DNAH8: variants seen among roughly 807,000 people sequenced by gnomAD.
DNAH8 encodes dynein axonemal heavy chain 8, also known as axonemal beta dynein heavy chain 8.
A neutral mutation model predicts 562.1 loss-of-function variants in DNAH8; 382 were observed. The observed-to-expected ratio is 0.68, with a 90% confidence interval of 0.63 to 0.74. The LOEUF is 0.74. DNAH8 is among the 30% of genes least tolerant of loss of function. The pLI, the probability that DNAH8 is intolerant of heterozygous loss-of-function variation, is 0.00. For synonymous variants in DNAH8, 1,881 were observed against 1,919.4 expected (o/e 0.98, Z 0.52); for missense variants, 5,203 against 5,620.4 (o/e 0.93, Z 2.37).
intron 30 of DNAH8, among the ~76,000 whole-genome samples, chr6:38,830,917 A>G (rs1417237988): frequency 6.6e-6 from 1 of 152,174 alleles, no homozygotes; most frequent in Non-Finnish European, 1.5e-5. Context: ...TTTAGGAAGG[A>G]TAATTTTTTT....
chr6:39,012,430 T>C lies in DNAH8; in HGVS notation c.13525-18T>C. The C allele has an allele frequency of 6.2e-7, 1 of 1,610,334 alleles. No homozygotes were observed. Among genetic ancestry groups the C allele is most frequent in the East Asian group, 2.2e-5 (1 of 44,814 alleles). On this transcript the variant is annotated intron_variant, in intron 90 of 92. Coordinates refer to ENST00000327475, the MANE Select transcript of DNAH8 (RefSeq NM_001206927.2). ...GTTGATGTTTCTTATTCATGTGTTT[T>C]AACTTTTTCTTCTCCAGAATCTGAG...
intron 11 of DNAH8, 25 bp downstream of exon 11, chr6:38,761,828 A>T (rs1253566068): frequency 7.3e-7 from 1 of 1,376,990 alleles, no homozygotes; most frequent in South Asian, 1.3e-5. Context: ...TTTTATTTTC[A>T]TAAACTAAAT....
chr6:38,954,810 C>G (rs1762141262), intron 82 of DNAH8, among the ~76,000 whole-genome samples: 1 of 151,626 alleles, frequency 6.6e-6, no homozygotes, highest in African/African-American at 2.4e-5. Context: ...GGTAGAAAAC[C>G]CTGAATAAAC....
intron 74 of DNAH8, among the ~76,000 whole-genome samples, chr6:38,927,551 G>A (rs557767903): frequency 5.3e-5 from 8 of 152,126 alleles, no homozygotes; most frequent in Non-Finnish European, 1.0e-4. Context: ...ATTTTCAGGG[G>A]TGCACAAATG....
intron 36 of DNAH8, 71 bp downstream of exon 36, chr6:38,845,844 GT>G (rs957704538): frequency 3.1e-6 from 4 of 1,298,994 alleles, no homozygotes; most frequent in Non-Finnish European, 4.4e-6. Flanking sequence ...TAAAAGCTCA[GT>G]TTTAAAGCTC....
At chr6:38,798,135 C>G (rs891516914) in intron 21 of DNAH8, among the ~76,000 whole-genome samples, 1 of 151,572 alleles carries the variant, frequency 6.6e-6, no homozygotes, top group Non-Finnish European at 1.5e-5. Context: ...GTTGCCAGAG[C>G]TGTGGAGATG....
chr6:38,943,458 A>G (rs976621790), intron 79 of DNAH8, among the ~76,000 whole-genome samples: 1 of 151,478 alleles, frequency 6.6e-6, no homozygotes, highest in African/African-American at 2.4e-5. Flanking sequence ...CCTAGCAGAA[A>G]TGTTTGATTT....
rs757501326 is a variant in DNAH8 at position 38,860,615 on chromosome 6, T to A, written c.6117T>A (p.Thr2039=). The change falls in exon 43 of 93, where the codon ACT becomes ACA. Residue 2039 remains threonine (T), a synonymous_variant. Coordinates refer to ENST00000327475, the MANE Select transcript of DNAH8 (RefSeq NM_001206927.2). ...FLGCTDRLVI[T]PLTDRCYITL... is the part of the protein sequence containing the mutation. ...GATGTACTGATCGTCTTGTTATCACTCCATTAACAGATAGGTAGGAAACCC... is the reference window on the plus strand; with the variant it reads ...GATGTACTGATCGTCTTGTTATCACACCATTAACAGATAGGTAGGAAACCC... 6.5e-7 allele frequency: 1 copy of A among 1,532,478 alleles called. No homozygotes were observed. The highest frequency in any genetic ancestry group is 8.7e-7 in the Non-Finnish European group (1 of 1,150,840). 94.9% of individuals were successfully genotyped at this position (1,532,478 alleles called of 1,614,324 possible).
chr6:38,852,560 G>A (rs1775839574), intron 39 of DNAH8, 134 bp from the exon 40 acceptor site: 1 of 616,980 alleles, frequency 1.6e-6, no homozygotes. Context: ...TCAAAGCAGA[G>A]TCTCTCTCTA....
intron 1 of DNAH8, among the ~76,000 whole-genome samples, chr6:38,715,950 A>ATTTTT (rs70981580): frequency 8.6e-4 from 27 of 31,230 alleles, no homozygotes; most frequent in African/African-American, 4.7e-3. Flanking sequence ...ATATATATAT[A>ATTTTT]TATATATATA....
intron 52 of DNAH8, among the ~76,000 whole-genome samples, chr6:38,874,742 G>T (rs1777857074): frequency 6.6e-6 from 1 of 152,096 alleles, no homozygotes; most frequent in African/African-American, 2.4e-5. Context: ...AGATCTTCAA[G>T]GGCTCTCCTA....
chr6:38,715,909 AATAAATAAATAAATAAAT>A (rs1376172743), intron 1 of DNAH8, among the ~76,000 whole-genome samples: 2 of 48,416 alleles, frequency 4.1e-5, no homozygotes, highest in African/African-American at 2.7e-4. Context: ...TATTAAAATA[AATAAATAAATAAATAAAT>A]ATATATATAT....
intron 85 of DNAH8, among the ~76,000 whole-genome samples, chr6:38,978,886 A>C (rs905186361): frequency 3.9e-5 from 6 of 152,268 alleles, no homozygotes; most frequent in African/African-American, 1.4e-4. Flanking sequence ...AATCAAATTA[A>C]GTAGGGAGTG....
At chr6:38,914,827 A>G (rs548689836) in intron 67 of DNAH8, among the ~76,000 whole-genome samples, 2 of 152,334 alleles carry the variant, frequency 1.3e-5, no homozygotes, top group Non-Finnish European at 2.9e-5. Context: ...GTAAGCACTC[A>G]ATAAACATTA....
At position 38,723,011 on chromosome 6, in the gene DNAH8, G is replaced by A; in HGVS notation, c.202G>A (p.Glu68Lys). 6.2e-7 allele frequency: 1 copy of A among 1,612,880 alleles called. No homozygotes were observed. The highest frequency in any genetic ancestry group is 2.2e-5 in the East Asian group (1 of 44,876). The change falls in exon 2 of 93, where the codon GAA becomes AAA. Residue 68 changes from glutamate (E) to lysine (K), a missense_variant. Around this residue, in one of 6 missense-constraint regions of DNAH8, gnomAD observed 556 missense variants for 496.9 expected, o/e 1.12. Transcript: ENST00000327475. ...GGATTATCGGGATCTCATTCCTTCT[G>A]AAGAAGGGATAGTTCTTCCAGATGA... ...VVDYRDLIPS[E>K]EGIVLPDDHE...
chr6:38,906,192 C>G, intron 62 of DNAH8, 62 bp from the exon 63 acceptor site: 1 of 1,124,004 alleles, frequency 8.9e-7, no homozygotes, highest in Non-Finnish European at 1.3e-6. Flanking sequence ...CAGGTGTGAG[C>G]CACCGCGCCC....
At chr6:38,800,506 A>G (rs1770692269) in intron 21 of DNAH8, among the ~76,000 whole-genome samples, 1 of 152,170 alleles carries the variant, frequency 6.6e-6, no homozygotes, top group South Asian at 2.1e-4. Context: ...GATGTTGAGC[A>G]TCTTTCATGT....
At chr6:38,964,883 C>T (rs948156554) in intron 82 of DNAH8, among the ~76,000 whole-genome samples, 6 of 151,892 alleles carry the variant, frequency 4.0e-5, no homozygotes, top group African/African-American at 1.5e-4. Context: ...CCAAACATAG[C>T]AAAACCCTGT....
Position 38,974,530 on chromosome 6 carries a change from G to T in DNAH8, c.12834+1G>T. On this transcript the variant is annotated splice_donor_variant, in intron 85 of 92. Coordinates refer to ENST00000327475, the MANE Select transcript of DNAH8 (RefSeq NM_001206927.2). LOFTEE classifies it high-confidence loss of function. The stretch of plus-strand genomic sequence containing the variant: ...AGCATTTTTACACTCCACTGTGCAG[G>T]TAACTGCAGAAAGCAGTTTTCACAT... The T allele has an allele frequency of 1.2e-6, 2 of 1,611,508 alleles. No individual in the cohort carries two copies. The highest frequency in any genetic ancestry group is 1.7e-6 in the Non-Finnish European group (2 of 1,178,706).
Sources: gnomAD v4.1 joint callset for allele counts (sites outside exome capture counted in the v4.1 genomes callset) on GRCh38, gnomAD v4.1.1 for gene constraint, gnomAD v4.1.1 regional missense constraint, MANE v1.5 for transcripts, NCBI Gene and HGNC (gene_info 2026-07-23, HGNC 2026-07-21) for gene names.